Variants in ZFHX3 observed in about 807,000 individuals in gnomAD.
ZFHX3 encodes the protein zinc finger homeobox protein 3.
Under a neutral mutation model 279.1 loss-of-function variants are expected in ZFHX3, and 42 were observed. That is an observed-to-expected ratio of 0.15 (90% CI 0.12 to 0.19). The LOEUF (loss-of-function observed/expected upper bound fraction) is 0.19. Ranked by LOEUF, ZFHX3 falls within the 10% of genes least tolerant of loss-of-function variation. ZFHX3 has a pLI of 1.00. For missense variants in ZFHX3, 4,981 were observed against 4,754.0 expected (o/e 1.05, Z -1.40); for synonymous variants, 2,293 against 1,957.8 (o/e 1.17, Z -4.52).
chr16:73,811,127 G>C (rs569275134), intron 1 of ZFHX3, among the ~76,000 whole-genome samples: 6 of 152,276 alleles, frequency 3.9e-5, no homozygotes, highest in South Asian at 4.1e-4. Flanking sequence ...ATTATGGTGT[G>C]ACAGTACCAG....
intron 7 of ZFHX3, among the ~76,000 whole-genome samples, chr16:73,097,754 C>T (rs543773077): frequency 5.9e-5 from 9 of 152,168 alleles, no homozygotes; most frequent in Non-Finnish European, 1.2e-4. Flanking sequence ...CCCTCCAGCC[C>T]CTGGAAACCT....
At chr16:73,197,982 G>C (rs1378514469) in intron 5 of ZFHX3, among the ~76,000 whole-genome samples, 1 of 127,494 alleles carries the variant, frequency 7.8e-6, no homozygotes, top group African/African-American at 3.0e-5. Context: ...CTGTCGCCAA[G>C]GCTGGAGTGC....
At chr16:73,007,850 G>T (rs1658084132) in intron 1 of ZFHX3, among the ~76,000 whole-genome samples, 1 of 152,048 alleles carries the variant, frequency 6.6e-6, no homozygotes, top group African/African-American at 2.4e-5. Context: ...ATTTTCAAAG[G>T]TGTTGCATTT....
chr16:73,403,480 C>G (rs2017299096), intron 3 of ZFHX3, among the ~76,000 whole-genome samples: 1 of 152,148 alleles, frequency 6.6e-6, no homozygotes, highest in South Asian at 2.1e-4. Context: ...TCTGTGTGCA[C>G]GTTTGTACCT....
chr16:73,470,842 G>T (rs1597347873), intron 2 of ZFHX3, among the ~76,000 whole-genome samples: 1 of 152,136 alleles, frequency 6.6e-6, no homozygotes, highest in East Asian at 1.9e-4. Context: ...CTGTTTCCTG[G>T]GGGATCCAGT....
At chr16:73,247,727 T>C (rs111174181) in intron 5 of ZFHX3, among the ~76,000 whole-genome samples, 9,198 of 143,546 alleles carry the variant, frequency 0.064, 6 homozygotes, top group Non-Finnish European at 0.074. Context: ...TGTGTCTGTG[T>C]GTCTATGTGC....
chr16:73,783,446 A>T (rs1959539865), intron 1 of ZFHX3, among the ~76,000 whole-genome samples: 1 of 152,144 alleles, frequency 6.6e-6, no homozygotes, highest in Admixed American at 6.5e-5. Flanking sequence ...CTTTCTGGAG[A>T]ACCCCATCTA....
chr16:73,365,785 C>G (rs868202187), intron 3 of ZFHX3, among the ~76,000 whole-genome samples: 19 of 152,192 alleles, frequency 1.2e-4, no homozygotes, highest in African/African-American at 4.6e-4. Flanking sequence ...CCTGGAGCCA[C>G]CTTCTTAAAA....
chr16:73,501,553 G>A (rs1365468962), intron 2 of ZFHX3, among the ~76,000 whole-genome samples: 1 of 152,176 alleles, frequency 6.6e-6, no homozygotes, highest in Non-Finnish European at 1.5e-5. Flanking sequence ...CAAAGCCATT[G>A]CTGGATTGAA....
At chr16:73,140,755 G>A (rs1032114859) in intron 6 of ZFHX3, among the ~76,000 whole-genome samples, 4 of 152,210 alleles carry the variant, frequency 2.6e-5, no homozygotes, top group African/African-American at 9.6e-5. Context: ...TTGGGAGGCT[G>A]AGGCAGGAGA....
intron 1 of ZFHX3, among the ~76,000 whole-genome samples, chr16:73,047,520 G>C (rs1458921412): frequency 6.6e-6 from 1 of 152,210 alleles, no homozygotes; most frequent in Non-Finnish European, 1.5e-5. Context: ...GGAGGAGGGA[G>C]GGGAGGACAG....
chr16:72,980,599 A>G (rs1022227266), intron 1 of ZFHX3, among the ~76,000 whole-genome samples: 10 of 144,538 alleles, frequency 6.9e-5, no homozygotes, highest in Admixed American at 4.7e-4. Context: ...TCACTACCAA[A>G]AGTTAAAAAA....
chr16:72,946,027 C>G (rs1261367296), intron 3 of ZFHX3, among the ~76,000 whole-genome samples: 3 of 152,162 alleles, frequency 2.0e-5, no homozygotes, highest in Non-Finnish European at 2.9e-5. Flanking sequence ...GATTTTATAG[C>G]CCTGCTGGGA....
At chr16:72,806,268 CAA>C (rs2036262305) in intron 7 of ZFHX3, among the ~76,000 whole-genome samples, 1 of 152,104 alleles carries the variant, frequency 6.6e-6, no homozygotes. Flanking sequence ...AGGCTGGAAA[CAA>C]ATGTAGCTCA....
intron 3 of ZFHX3, among the ~76,000 whole-genome samples, chr16:72,940,920 C>G (rs752242808): frequency 1.3e-5 from 2 of 152,264 alleles, no homozygotes; most frequent in Non-Finnish European, 2.9e-5. Flanking sequence ...CCAATTTAAA[C>G]CTACTCTCTG....
At chr16:73,105,440 C>CAG (rs1567389918) in intron 7 of ZFHX3, among the ~76,000 whole-genome samples, 1 of 109,598 alleles carries the variant, frequency 9.1e-6, no homozygotes, top group East Asian at 2.0e-4. Flanking sequence ...TATACACACA[C>CAG]ACACATATAT....
At chr16:73,254,773 T>A (rs1409943651) in intron 5 of ZFHX3, among the ~76,000 whole-genome samples, 2 of 152,208 alleles carry the variant, frequency 1.3e-5, no homozygotes, top group Non-Finnish European at 2.9e-5. Flanking sequence ...ATAGTTTATT[T>A]CTAAGTAAAC....
intron 3 of ZFHX3, among the ~76,000 whole-genome samples, chr16:73,446,748 A>G (rs2018192402): frequency 6.6e-6 from 1 of 152,106 alleles, no homozygotes; most frequent in Non-Finnish European, 1.5e-5. Flanking sequence ...TAGTGGGTGA[A>G]AGGAGGGAGA....
intron 3 of ZFHX3, among the ~76,000 whole-genome samples, chr16:72,947,687 T>C (rs1385693596): frequency 2.0e-5 from 3 of 151,728 alleles, no homozygotes; most frequent in Non-Finnish European, 4.4e-5. Context: ...TCATGAATAA[T>C]TTGCCAGGGA....
Sources: allele counts gnomAD v4.1 joint callset (sites outside exome capture counted in the v4.1 genomes callset), GRCh38; gene constraint gnomAD v4.1.1; transcripts MANE v1.5; gene names NCBI Gene and HGNC (gene_info 2026-07-23, HGNC 2026-07-21).